GCA: variants seen among roughly 807,000 people sequenced by gnomAD.
GCA encodes the protein grancalcin, also known as grancalcin, EF-hand calcium-binding protein.
GCA carries 30 observed loss-of-function variants against 32.6 expected under a neutral mutation model. The ratio of observed to expected loss-of-function variants is 0.92; its 90% CI spans 0.69 to 1.25. The LOEUF (loss-of-function observed/expected upper bound fraction) is 1.25. Among genes scored for constraint, GCA ranks in the 50% most tolerant of loss-of-function variants. The probability of loss-of-function intolerance (pLI) is 0.00; values close to 1 mark genes in which losing one functional copy is unlikely to be tolerated. For synonymous variants in GCA, 102 were observed against 84.6 expected (o/e 1.21, Z -1.13); for missense variants, 291 against 266.8 (o/e 1.09, Z -0.63).
In GCA at chr2:162,322,409, ATTTAT is replaced by A. The variant is rs1444369333; in HGVS notation, c.-31+3187_-31+3191del. 1.3e-3 allele frequency among the ~76,000 whole-genome samples: 190 copies of A among 143,612 alleles called. 4 individuals carry two copies. Among genetic ancestry groups the A allele is most frequent in the African/African-American group, 5.1e-3 (181 of 35,506 alleles). 94.2% of individuals were successfully genotyped at this position (143,612 alleles called of 152,430 possible). A position where few individuals can be genotyped will look rare whatever the true frequency, so the allele number is the denominator to read the frequency against. Reference sequence around the variant, plus strand: ...ACTTTATTTATTTATTTATTTATTTATTTATTTATTATTATACTTTAAGTTTTAGG... The same window carrying A: ...ACTTTATTTATTTATTTATTTATTTATTATTATTATACTTTAAGTTTTAGG... On this transcript the variant is annotated intron_variant, in intron 1 of 4. Transcript: ENST00000429691.
chr2:162,338,600 A>G (rs1684347549), intron 1 of GCA, among the ~76,000 whole-genome samples: 1 of 152,204 alleles, frequency 6.6e-6, no homozygotes, highest in Non-Finnish European at 1.5e-5. Context: ...TTTAATTTAT[A>G]TATTTCTAGA....
In GCA at chr2:162,360,966, C is replaced by G. The variant is rs1685545851; in HGVS notation, c.*723C>G. ...ATTTCATTAGTGAAGACATAGTTCACCTAAAATGGCATCCTGCTCTGAATC... is the reference window on the plus strand; with the variant it reads ...ATTTCATTAGTGAAGACATAGTTCAGCTAAAATGGCATCCTGCTCTGAATC... On this transcript the variant is annotated 3_prime_UTR_variant, in exon 8 of 8. Coordinates refer to ENST00000437150, the MANE Select transcript of GCA (RefSeq NM_012198.5). 1 of 1,122,912 alleles carries G rather than the reference C, an allele frequency of 8.9e-7. No homozygotes were observed. Among genetic ancestry groups the G allele is most frequent in the Admixed American group, 4.9e-5 (1 of 20,416 alleles). The allele number at this position is 1,122,912 out of a possible 1,614,324, so 69.6% of individuals were successfully genotyped here.
Position 162,344,168 on chromosome 2 carries a change from T to C in GCA, c.-81T>C, listed in dbSNP as rs7567026. On this transcript the variant is annotated 5_prime_UTR_variant, in exon 1 of 8. Transcript: ENST00000437150. ...CAGCCTCACCTGCAGCTGCGCCTCC[T>C]TGCACCTGCGCCTGTGCTTTTTCTC... The C allele has an allele frequency of 0.043, 64,518 of 1,488,582 alleles. 7,482 individuals are homozygous for C. The highest frequency in any genetic ancestry group is 0.32 in the African/African-American group (23,536 of 72,590). 92.2% of individuals were successfully genotyped at this position (1,488,582 alleles called of 1,614,324 possible).
chr2:162,356,648 C>A, intron 4 of GCA, 110 bp from the exon 5 acceptor site: 1 of 876,724 alleles, frequency 1.1e-6, no homozygotes. Context: ...GAAGTCTGTT[C>A]ATATAATGAG....
rs1225825606 is a variant in GCA, at chr2:162,362,979, C to A, written c.*2736C>A. 1.3e-5 allele frequency among the ~76,000 whole-genome samples: 2 copies of A among 151,380 alleles called. No homozygotes were observed. The highest frequency in any genetic ancestry group is 4.8e-5 in the African/African-American group (2 of 41,438). On this transcript the variant is annotated 3_prime_UTR_variant, in exon 8 of 8. Coordinates refer to ENST00000437150, the MANE Select transcript of GCA (RefSeq NM_012198.5). ...TAGAAGAAAGTAGAATCTGTTAATA[C>A]AGTTTAAAGTCTGTGGAGTTAAAAA...
intron 1 of GCA, among the ~76,000 whole-genome samples, chr2:162,327,288 T>C (rs1683918793): frequency 6.6e-6 from 1 of 152,182 alleles, no homozygotes; most frequent in African/African-American, 2.4e-5. Context: ...CGTGCCTTGC[T>C]GAATTTGCAG....
chr2:162,343,061 A>G (rs1455090018), upstream of GCA, among the ~76,000 whole-genome samples: 2 of 152,240 alleles, frequency 1.3e-5, no homozygotes, highest in Admixed American at 1.3e-4. Flanking sequence ...CACAAGGTCC[A>G]ACATCCTCTT....
chr2:162,357,003 T>C, intron 5 of GCA, 98 bp downstream of exon 5: 1 of 843,280 alleles, frequency 1.2e-6, no homozygotes, highest in South Asian at 2.4e-5. Flanking sequence ...TAAAGGGATG[T>C]ATTTTTTTGC....
chr2:162,344,246 G>C lies in GCA; in HGVS notation c.-3G>C. ...GACGCTCGCTCCGCTCGTCCCGCTC[G>C]TCATGGCCTACCCGGGATACGGAGG... On this transcript the variant is annotated 5_prime_UTR_variant, in exon 1 of 8. Transcript: ENST00000437150. 1 of 1,613,740 alleles carries C rather than the reference G, an allele frequency of 6.2e-7. No homozygotes were observed. Among genetic ancestry groups the C allele is most frequent in the South Asian group, 1.1e-5 (1 of 91,076 alleles).
upstream of GCA, among the ~76,000 whole-genome samples, chr2:162,339,466 T>C (rs1332392243): frequency 6.6e-6 from 1 of 152,080 alleles, no homozygotes; most frequent in Non-Finnish European, 1.5e-5. Context: ...CAGTGAACAT[T>C]ATGATCAAGT....
downstream of GCA, among the ~76,000 whole-genome samples, chr2:162,373,148 A>G (rs1455696217): frequency 6.6e-6 from 1 of 152,148 alleles, no homozygotes; most frequent in African/African-American, 2.4e-5. Context: ...CAGGAAGACT[A>G]TTCCTTAGAT....
chr2:162,349,093 T>C (rs1427084629), intron 2 of GCA, among the ~76,000 whole-genome samples: 2 of 151,690 alleles, frequency 1.3e-5, no homozygotes, highest in Non-Finnish European at 2.9e-5. Flanking sequence ...AAATGTATTA[T>C]TAATAATTGT....
chr2:162,330,655 C>T (rs752071059), intron 1 of GCA, among the ~76,000 whole-genome samples: 3 of 152,174 alleles, frequency 2.0e-5, no homozygotes, highest in Admixed American at 6.5e-5. Context: ...TCACAGTCTC[C>T]ATGGTTAGAA....
At chr2:162,345,998 T>G (rs1684684935) in intron 1 of GCA, among the ~76,000 whole-genome samples, 1 of 152,196 alleles carries the variant, frequency 6.6e-6, no homozygotes, top group African/African-American at 2.4e-5. Context: ...GGAGATGCAT[T>G]TCCAATAGAT....
At chr2:162,353,989 C>T (rs1260876649) in intron 3 of GCA, among the ~76,000 whole-genome samples, 3 of 151,792 alleles carry the variant, frequency 2.0e-5, no homozygotes, top group African/African-American at 7.3e-5. Context: ...CATTAATATC[C>T]AAGAGCTTCT....
At chr2:162,372,824 C>T (rs754407340), downstream of GCA, among the ~76,000 whole-genome samples, 8 of 152,126 alleles carry the variant, frequency 5.3e-5, no homozygotes, top group Non-Finnish European at 8.8e-5. Context: ...GAAAGCTAGA[C>T]TACTTACATT....
downstream of GCA, chr2:162,373,430 C>T (rs1329932133): frequency 4.3e-6 from 6 of 1,386,210 alleles, no homozygotes; most frequent in Non-Finnish European, 5.7e-6. Context: ...TGGAAACACA[C>T]TGTGAGAGAC....
downstream of GCA, among the ~76,000 whole-genome samples, chr2:162,366,926 A>G (rs1685768948): frequency 6.6e-6 from 1 of 151,500 alleles, no homozygotes; most frequent in African/African-American, 2.4e-5. Context: ...TAAAGGAAAG[A>G]GCAACAGAAA....
intron 2 of GCA, among the ~76,000 whole-genome samples, chr2:162,350,263 A>G (rs985635728): frequency 2.6e-5 from 4 of 152,032 alleles, no homozygotes; most frequent in Non-Finnish European, 5.9e-5. Flanking sequence ...TGGAAAGGGG[A>G]CTTGAGGTAT....
Sources: allele counts gnomAD v4.1 joint callset (sites outside exome capture counted in the v4.1 genomes callset), GRCh38; gene constraint gnomAD v4.1.1; transcripts MANE v1.5; gene names NCBI Gene and HGNC (gene_info 2026-07-23, HGNC 2026-07-21).